Variants in MYH13 observed in about 807,000 individuals in gnomAD.
MYH13 encodes the protein myosin heavy chain 13, also known as myosin-13.
A neutral mutation model predicts 232.1 loss-of-function variants in MYH13; 177 were observed. The ratio of observed to expected loss-of-function variants is 0.76; its 90% confidence interval spans 0.67 to 0.86. The LOEUF (loss-of-function observed/expected upper bound fraction) is 0.86, where lower values mean the gene tolerates loss of function less well. MYH13 is among the 40% of genes least tolerant of loss of function. The pLI is 0.00. For missense variants in MYH13, 2,246 were observed against 2,405.9 expected (o/e 0.93, Z 1.39); for synonymous variants, 884 against 923.5 (o/e 0.96, Z 0.78).
intron 2 of MYH13, among the ~76,000 whole-genome samples, chr17:10,370,772 G>A (rs761012378): frequency 9.2e-5 from 14 of 152,052 alleles, no homozygotes; most frequent in East Asian, 3.9e-4. Context: ...TTTTATTACC[G>A]CACCGGGCAT....
intron 22 of MYH13, 63 bp from the exon 23 acceptor site, chr17:10,324,327 TATC>T: frequency 6.3e-7 from 1 of 1,588,942 alleles, no homozygotes. Flanking sequence ...AAAGAAAGGG[TATC>T]ACCCTCTAAA....
intron 29 of MYH13, 99 bp downstream of exon 29, chr17:10,315,594 G>T: frequency 2.8e-6 from 3 of 1,071,654 alleles, no homozygotes; most frequent in Non-Finnish European, 2.7e-6. Context: ...GTGCCCAGCT[G>T]CAGCAGATTT....
At chr17:10,305,116 T>C (rs1458460885) in intron 37 of MYH13, among the ~76,000 whole-genome samples, 1 of 152,204 alleles carries the variant, frequency 6.6e-6, no homozygotes, top group African/African-American at 2.4e-5. Context: ...ACATTTGTTT[T>C]CCTGGGAATT....
Position 10,304,918 on chromosome 17 carries a change from C to G in MYH13, c.5467-1420G>C, listed in dbSNP as rs569816386. 6.6e-6 allele frequency among the ~76,000 whole-genome samples: 1 copy of G among 152,292 alleles called. No individual in the cohort carries two copies. Among genetic ancestry groups the G allele is most frequent in the South Asian group, 2.1e-4 (1 of 4,820 alleles). On this transcript the variant is annotated intron_variant, in intron 37 of 40. Coordinates refer to ENST00000252172, the MANE Select transcript of MYH13 (RefSeq NM_003802.3). This position sits in a 1 kb window ranked among gnomAD's most constrained non-coding sequence, Gnocchi z 5.3. The stretch of plus-strand genomic sequence containing the variant: ...GATTGAAGCCAGGGAGGGGCAGCAG[C>G]CAGCTGCATGCTCCACTCCACTGGG...
rs1331132862 is a variant in MYH13, at chr17:10,304,437, A to G, written c.5467-939T>C. Among the ~76,000 whole-genome samples, 1 of 152,220 alleles carries G rather than the reference A, an allele frequency of 6.6e-6. No individual in the cohort carries two copies. On this transcript the variant is annotated intron_variant, in intron 37 of 40. Coordinates refer to ENST00000252172, the MANE Select transcript of MYH13 (RefSeq NM_003802.3). This position sits in a 1 kb window ranked among gnomAD's most constrained non-coding sequence, Gnocchi z 5.3. ...AGCTGGTGGGTCAGGATTTGCTTAG[A>G]TGCTCCCTTTTGTGGAGCCAGGTCG...
intron 2 of MYH13, among the ~76,000 whole-genome samples, chr17:10,365,748 T>C (rs968612462): frequency 1.3e-5 from 2 of 152,160 alleles, no homozygotes; most frequent in African/African-American, 4.8e-5. Context: ...CTCTAAACTC[T>C]AAACGCGGTC....
In MYH13 at chr17:10,318,963, G is replaced by A. The variant is rs1906828163; in HGVS notation, c.3565C>T (p.His1189Tyr). 3 of 1,614,098 alleles carry A rather than the reference G, an allele frequency of 1.9e-6. No homozygotes were observed. The highest frequency in any genetic ancestry group is 1.7e-5 in the Admixed American group (1 of 60,016). ...RRDLEEATLQ[H>Y]EATAATLRKK... ...CTCAGGGTGGCTGCTGTGGCTTCGT[G>A]CTGCAGGGTGGCCTCCTCCAGGTCC... The change falls in exon 27 of 41, where the codon CAC (histidine) becomes TAC (tyrosine). Residue 1189 changes from histidine (H) to tyrosine (Y), a missense_variant. Transcript: ENST00000252172.
chr17:10,349,975 G>A (rs1218581155), intron 12 of MYH13, among the ~76,000 whole-genome samples: 2 of 152,172 alleles, frequency 1.3e-5, no homozygotes, highest in Non-Finnish European at 2.9e-5. Flanking sequence ...GTATGGTGGG[G>A]AGTCAGTCAC....
chr17:10,310,804 A>G (rs892363728), intron 33 of MYH13, among the ~76,000 whole-genome samples: 1 of 152,148 alleles, frequency 6.6e-6, no homozygotes, highest in Non-Finnish European at 1.5e-5. Context: ...GTTAAACATA[A>G]CTGAGAGATT....
intron 7 of MYH13, 86 bp downstream of exon 7, chr17:10,359,874 G>A (rs2071778413): frequency 1.9e-5 from 23 of 1,214,632 alleles, no homozygotes; most frequent in Middle Eastern, 2.7e-4. Context: ...TCTACTGAGC[G>A]CATACCCTGC....
chr17:10,331,987 G>A, intron 20 of MYH13, 112 bp downstream of exon 20: 4 of 1,389,998 alleles, frequency 2.9e-6, no homozygotes, highest in Non-Finnish European at 4.0e-6. Context: ...GGGCGACTGG[G>A]CAAGGACGGT....
At chr17:10,324,866 CA>C (rs1907147938) in intron 22 of MYH13, 1 of 149,332 alleles carries the variant, frequency 6.7e-6, no homozygotes, top group Admixed American at 6.8e-5. Flanking sequence ...CTCTGTTGCC[CA>C]AGCTAAAGTG....
chr17:10,359,930 A>G, intron 7 of MYH13, 30 bp downstream of exon 7: 1 of 1,570,262 alleles, frequency 6.4e-7, no homozygotes, highest in Non-Finnish European at 8.8e-7. Context: ...TTATTCCAGT[A>G]AGCCTCCGGA....
rs546265046 is a variant in MYH13 at position 10,304,548 on chromosome 17, T to C, written c.5467-1050A>G. Among the ~76,000 whole-genome samples the C allele has an allele frequency of 5.9e-5, 9 of 152,352 alleles. No homozygotes were observed. The East Asian group carries it at 1.5e-3, about 26-fold the overall frequency. On this transcript the variant is annotated intron_variant, in intron 37 of 40. Coordinates refer to ENST00000252172, the MANE Select transcript of MYH13 (RefSeq NM_003802.3). The surrounding 1 kb of genome is among the most constrained non-coding windows in gnomAD (Gnocchi z 5.3). Reference sequence around the variant, plus strand: ...TTCATTGAACTTACAGCAGATCAAGTAACTTGAACTTACAGATCAAGTAAG... The same window carrying C: ...TTCATTGAACTTACAGCAGATCAAGCAACTTGAACTTACAGATCAAGTAAG...
chr17:10,305,910 G>C (rs950728046), intron 37 of MYH13, among the ~76,000 whole-genome samples: 5 of 152,156 alleles, frequency 3.3e-5, no homozygotes, highest in African/African-American at 4.8e-5. Flanking sequence ...TTTGGGGCTG[G>C]AGCAAGAGAC....
In MYH13 at chr17:10,346,757, C is replaced by T; in HGVS notation, c.1186G>A (p.Glu396Lys). 6.2e-7 allele frequency: 1 copy of T among 1,614,004 alleles called. No individual in the cohort carries two copies. Reference sequence around the variant, plus strand: ...GGACAGCACAGGCCCTTCAGCATTTCTGCAGAATTCAGTCCCATCAGGTAT... The same window carrying T: ...GGACAGCACAGGCCCTTCAGCATTTTTGCAGAATTCAGTCCCATCAGGTAT... ...AGYLMGLNSA[E>K]MLKGLCCPRV... Residue 396 changes from glutamate to lysine, a missense_variant, in exon 13 of 41, where the codon GAA (glutamate) becomes AAA (lysine). By Grantham distance (56) the Glu-to-Lys change is moderately conservative (BLOSUM62 1). Transcript: ENST00000252172.
In MYH13 at chr17:10,357,838, A is replaced by G; in HGVS notation, c.646-11T>C. 5.0e-6 allele frequency: 8 copies of G among 1,608,032 alleles called. No individual in the cohort carries two copies. Among genetic ancestry groups the G allele is most frequent in the Non-Finnish European group, 6.8e-6 (8 of 1,176,038 alleles). ...ATCCTCTAGGGTTCCCTAATAATAA[A>G]CAAGAAGAGGAAAAAGAGGACTTTG... is the stretch of plus-strand genomic sequence containing the variant. On this transcript the variant is annotated splice_polypyrimidine_tract_variant and intron_variant, in intron 7 of 40. Transcript: ENST00000252172.
rs548685126 is a variant in MYH13 at position 10,345,083 on chromosome 17, A to T, written c.1584+119T>A. 7.3e-6 allele frequency: 11 copies of T among 1,504,688 alleles called. No homozygotes were observed. The South Asian group carries it at 1.3e-4, about 18-fold the overall frequency. 93.2% of individuals were successfully genotyped at this position (1,504,688 alleles called of 1,614,324 possible). On this transcript the variant is annotated intron_variant, in intron 15 of 40. Coordinates refer to ENST00000252172, the MANE Select transcript of MYH13 (RefSeq NM_003802.3). ...TTTGCAAATAGGCATTCAGTTATCTATCTGAAGGCTTGCAGCCTGGGGGCT... is the reference window on the plus strand; with the variant it reads ...TTTGCAAATAGGCATTCAGTTATCTTTCTGAAGGCTTGCAGCCTGGGGGCT...
At chr17:10,323,225 T>A (rs1907042513) in intron 23 of MYH13, among the ~76,000 whole-genome samples, 1 of 152,140 alleles carries the variant, frequency 6.6e-6, no homozygotes, top group Admixed American at 6.5e-5. Flanking sequence ...GATTCTTAAT[T>A]TGACTGAGTA....
Sources: allele counts gnomAD v4.1 joint callset (sites outside exome capture counted in the v4.1 genomes callset), GRCh38; gene constraint gnomAD v4.1.1; non-coding constraint Gnocchi (gnomAD v3.1); transcripts MANE v1.5; gene names NCBI Gene and HGNC (gene_info 2026-07-23, HGNC 2026-07-21).